Variants in SEMA4A observed in about 807,000 individuals in gnomAD.
SEMA4A encodes semaphorin 4A.
SEMA4A carries 52 observed loss-of-function variants against 72.5 expected under a neutral mutation model. The observed-to-expected ratio is 0.72, with a 90% CI of 0.57 to 0.90. The LOEUF (loss-of-function observed/expected upper bound fraction) is 0.90. Ranked by LOEUF, SEMA4A falls within the 40% of genes least tolerant of loss-of-function variation. The pLI, the probability that SEMA4A is intolerant of heterozygous loss-of-function variation, is 0.00. For missense variants in SEMA4A, 926 were observed against 959.7 expected, an observed-to-expected ratio of 0.96 and a Z score of 0.46; for synonymous variants, 369 against 393.1, an observed-to-expected ratio of 0.94 and a Z score of 0.73.
chr1:156,173,353 G>C (rs988523925), intron 11 of SEMA4A, among the ~76,000 whole-genome samples: 1 of 152,212 alleles, frequency 6.6e-6, no homozygotes, highest in East Asian at 1.9e-4. Context: ...CCTTCAGGAA[G>C]CTCGTCTGTG....
intron 11 of SEMA4A, among the ~76,000 whole-genome samples, chr1:156,173,561 G>A (rs1327380023): frequency 2.0e-5 from 3 of 152,098 alleles, no homozygotes; most frequent in Non-Finnish European, 4.4e-5. Flanking sequence ...GGCGGGAGCA[G>A]GCGGCCAGAG....
At chr1:156,152,954 C>A (rs78803718), upstream of SEMA4A, among the ~76,000 whole-genome samples, 32 of 152,180 alleles carry the variant, frequency 2.1e-4, 1 homozygote, top group East Asian at 6.0e-3. Context: ...TATGAGGCTC[C>A]CCCTGGAGCC....
chr1:156,158,836 G>A lies in SEMA4A; in HGVS notation c.568+12G>A. The A allele has an allele frequency of 6.3e-7, 1 of 1,594,198 alleles. No homozygotes were observed. The highest frequency in any genetic ancestry group is 8.6e-7 in the Non-Finnish European group (1 of 1,162,202). Reference sequence around the variant, plus strand: ...GGCTGTCTTGGTGGGTGAGTATCAGGTTTCCCACTTCATCCCAACATCTAC... The same window carrying A: ...GGCTGTCTTGGTGGGTGAGTATCAGATTTCCCACTTCATCCCAACATCTAC... On this transcript the variant is annotated intron_variant, in intron 6 of 14. Coordinates refer to ENST00000368285, the MANE Select transcript of SEMA4A (RefSeq NM_022367.4).
At chr1:156,152,019 G>A (rs941492171), upstream of SEMA4A, among the ~76,000 whole-genome samples, 1 of 152,016 alleles carries the variant, frequency 6.6e-6, no homozygotes, top group Admixed American at 6.6e-5. Flanking sequence ...CTGTGGACTG[G>A]GGCAGGAGGG....
intron 10 of SEMA4A, among the ~76,000 whole-genome samples, chr1:156,170,562 G>T (rs555501591): frequency 5.9e-4 from 88 of 149,666 alleles, no homozygotes; most frequent in Middle Eastern, 3.5e-3. Context: ...GACCATCCTG[G>T]CTAACATGGT....
chr1:156,158,416 T>C lies in SEMA4A; in HGVS notation c.392T>C (p.Leu131Pro). The C allele has an allele frequency of 1.2e-6, 2 of 1,614,092 alleles. No individual in the cohort carries two copies. The highest frequency in any genetic ancestry group is 1.7e-6 in the Non-Finnish European group (2 of 1,179,950). ...ETQCFNFIRV[L>P]VSYNVTHLYT... ...CAGTGTTTCAACTTCATCCGTGTCC[T>C]GGTTTCTTACAATGTCACCCATCTC... The change falls in exon 5 of 15, where the codon CTG (leucine) becomes CCG (proline). Residue 131 changes from leucine (L) to proline (P), a missense_variant. Physicochemically the swap from Leu to Pro is moderately conservative, Grantham distance 98 (BLOSUM62 -3). Transcript: ENST00000368285.
At chr1:156,153,976 G>A (rs1342008552) in intron 1 of SEMA4A, among the ~76,000 whole-genome samples, 3 of 152,186 alleles carry the variant, frequency 2.0e-5, no homozygotes, top group African/African-American at 7.2e-5. Context: ...AGGCCAGGCA[G>A]GCCTGAGCCT....
intron 6 of SEMA4A, 42 bp from the exon 7 acceptor site, chr1:156,160,401 C>A: frequency 6.7e-7 from 1 of 1,497,744 alleles, no homozygotes; most frequent in Non-Finnish European, 9.3e-7. Flanking sequence ...CAGAGGAACC[C>A]TCCACCCCAT....
In SEMA4A at chr1:156,174,930, C is replaced by T; in HGVS notation, c.1424C>T (p.Ala475Val). Residue 475 changes from alanine to valine, a missense_variant, in exon 12 of 15, where the codon GCC (alanine) becomes GTC (valine). By Grantham distance (64) the Ala-to-Val change is moderately conservative. Coordinates refer to ENST00000368285, the MANE Select transcript of SEMA4A (RefSeq NM_022367.4). ...GAACCTGTTCGCAACCTGCAGCTGGCCCCCACCCAGGTGGGAAGGGACCTG... is the reference window on the plus strand; with the variant it reads ...GAACCTGTTCGCAACCTGCAGCTGGTCCCCACCCAGGTGGGAAGGGACCTG... ...DPEPVRNLQL[A>V]PTQGAVFVGF... is the part of the protein sequence containing the mutation. The T allele has an allele frequency of 6.2e-7, 1 of 1,614,214 alleles. No homozygotes were observed. The highest frequency in any genetic ancestry group is 8.5e-7 in the Non-Finnish European group (1 of 1,180,028).
chr1:156,173,058 C>T (rs1654959110), intron 11 of SEMA4A, 52 bp downstream of exon 11: 8 of 1,571,496 alleles, frequency 5.1e-6, no homozygotes, highest in Non-Finnish European at 7.0e-6. Context: ...AGAGGATGCC[C>T]CCAGGTTGAG....
upstream of SEMA4A, chr1:156,149,691 C>T (rs1259219327): frequency 1.3e-5 from 2 of 152,210 alleles, no homozygotes; most frequent in Non-Finnish European, 1.5e-5. Flanking sequence ...CCCAGAGGAA[C>T]TGGTTGTAAA....
chr1:156,176,744 A>C lies in SEMA4A; in HGVS notation c.2033A>C (p.Gln678Pro). 1 of 1,612,720 alleles carries C rather than the reference A, an allele frequency of 6.2e-7. No homozygotes were observed. Among genetic ancestry groups the C allele is most frequent in the Non-Finnish European group, 8.5e-7 (1 of 1,178,846 alleles). ...VSGGAALAAQ[Q>P]SYWPHFVTVT... ...GGTGGGGCCGCCCTGGCTGCCCAGC[A>C]GTCCTACTGGCCCCACTTTGTCACT... Residue 678 changes from glutamine (Q) to proline (P), a missense_variant, in exon 15 of 15, where the codon CAG (glutamine) becomes CCG (proline). Physicochemically the swap from Gln to Pro is moderately conservative, Grantham distance 76. Coordinates refer to ENST00000368285, the MANE Select transcript of SEMA4A (RefSeq NM_022367.4).
At chr1:156,176,354 T>C (rs1655327633) in intron 14 of SEMA4A, 51 bp from the exon 15 acceptor site, 4 of 1,347,988 alleles carry the variant, frequency 3.0e-6, no homozygotes, top group Non-Finnish European at 4.2e-6. Context: ...CTCTCCTGTC[T>C]CCATCCTTCA....
intron 10 of SEMA4A, among the ~76,000 whole-genome samples, chr1:156,171,048 A>C (rs1231765190): frequency 6.6e-6 from 1 of 152,232 alleles, no homozygotes; most frequent in Non-Finnish European, 1.5e-5. Flanking sequence ...CCCTGTCTCT[A>C]TTTGTAAAAA....
At chr1:156,171,668 C>T (rs1654787572) in intron 10 of SEMA4A, among the ~76,000 whole-genome samples, 1 of 152,122 alleles carries the variant, frequency 6.6e-6, no homozygotes, top group Non-Finnish European at 1.5e-5. Flanking sequence ...CCTCCGCCTC[C>T]CATGTTCAAG....
In SEMA4A at chr1:156,160,946, G is replaced by A; in HGVS notation, c.727G>A (p.Val243Ile). 2 of 1,613,456 alleles carry A rather than the reference G, an allele frequency of 1.2e-6. No homozygotes were observed. The highest frequency in any genetic ancestry group is 1.7e-6 in the Non-Finnish European group (2 of 1,179,876). ...FVAAIPSTQV[V>I]YFFFEETASE... ...GGCAGCCATCCCTTCGACCCAGGTC[G>A]TCTACTTCTTCTTCGAGGAGACAGC... The change falls in exon 8 of 15, where the codon GTC becomes ATC. Residue 243 changes from valine (V) to isoleucine (I), a missense_variant. Coordinates refer to ENST00000368285, the MANE Select transcript of SEMA4A (RefSeq NM_022367.4).
At chr1:156,175,916 G>A (rs1357204356) in intron 14 of SEMA4A, among the ~76,000 whole-genome samples, 1 of 152,132 alleles carries the variant, frequency 6.6e-6, no homozygotes, top group Non-Finnish European at 1.5e-5. Flanking sequence ...GGCTTAGTTT[G>A]GGGTCCAGAC....
In SEMA4A at chr1:156,154,709, A is replaced by G; in HGVS notation, c.131A>G (p.Tyr44Cys). ...GGQGPMPRVR[Y>C]YAGDERRALS... ...CAGGGGCCCATGCCCAGGGTCAGAT[A>G]CTATGCAGGTAAGTGTCCGACAGCA... is the stretch of plus-strand genomic sequence containing the variant. The change falls in exon 2 of 15, where the codon TAC becomes TGC. Residue 44 changes from tyrosine to cysteine, a missense_variant. Physicochemically the swap from Tyr to Cys is radical, Grantham distance 194. Coordinates refer to ENST00000368285, the MANE Select transcript of SEMA4A (RefSeq NM_022367.4). 6.3e-7 allele frequency: 1 copy of G among 1,583,832 alleles called. No homozygotes were observed. Among genetic ancestry groups the G allele is most frequent in the South Asian group, 1.2e-5 (1 of 86,884 alleles).
Position 156,163,104 on chromosome 1 carries a change from A to G in SEMA4A, c.1134+10A>G, listed in dbSNP as rs1396359765. The G allele has an allele frequency of 1.2e-6, 2 of 1,608,228 alleles. No homozygotes were observed. The highest frequency in any genetic ancestry group is 2.7e-5 in the African/African-American group (2 of 74,010). ...CCCCCGGCCAGGCAGTGTGAGTACT[A>G]CCCCCCACACTGAGCACAGTCTACA... On this transcript the variant is annotated intron_variant, in intron 10 of 14. Coordinates refer to ENST00000368285, the MANE Select transcript of SEMA4A (RefSeq NM_022367.4).
Sources: gnomAD v4.1 joint callset for allele counts (sites outside exome capture counted in the v4.1 genomes callset) on GRCh38, gnomAD v4.1.1 for gene constraint, MANE v1.5 for transcripts, NCBI Gene and HGNC (gene_info 2026-07-23, HGNC 2026-07-21) for gene names.